The following DOCK5 variants were observed in gnomAD, a reference collection of about 807,000 sequenced individuals.
The protein encoded by DOCK5 is dedicator of cytokinesis protein 5.
In DOCK5, 142 loss-of-function variants were observed where a neutral mutation model predicts 251.8. The ratio of observed to expected loss-of-function variants is 0.56; its 90% CI spans 0.49 to 0.65. The LOEUF (loss-of-function observed/expected upper bound fraction) is 0.65, where lower values mean the gene tolerates loss of function less well. Among genes scored for constraint, DOCK5 ranks in the 30% least tolerant of loss-of-function variants. The probability of loss-of-function intolerance (pLI) is 0.00; values close to 1 mark genes in which losing one functional copy is unlikely to be tolerated. For synonymous variants in DOCK5, 842 were observed against 835.5 expected (o/e 1.01, Z -0.13); for missense variants, 2,111 against 2,312.3 (o/e 0.91, Z 1.79).
intron 1 of DOCK5, among the ~76,000 whole-genome samples, chr8:25,215,003 C>T (rs921153333): frequency 9.9e-5 from 15 of 152,186 alleles, no homozygotes; most frequent in Non-Finnish European, 2.2e-4. Context: ...CATATTTCTC[C>T]CATGCATCAG....
intron 8 of DOCK5, 174 bp downstream of exon 8, chr8:25,299,275 A>G (rs1392905472): frequency 4.4e-6 from 3 of 675,336 alleles, no homozygotes; most frequent in South Asian, 2.3e-5. Context: ...ATATGTCACT[A>G]CTAGAACAAT....
intron 25 of DOCK5, among the ~76,000 whole-genome samples, chr8:25,342,721 C>T (rs1489701943): frequency 2.1e-4 from 16 of 77,546 alleles, no homozygotes; most frequent in Admixed American, 1.0e-3. Context: ...TTTTTTGAGA[C>T]GGAGTCTCAT....
At chr8:25,392,164 C>T (rs1176839122) in intron 43 of DOCK5, among the ~76,000 whole-genome samples, 184 bp downstream of exon 43, 2 of 152,080 alleles carry the variant, frequency 1.3e-5, no homozygotes, top group South Asian at 2.1e-4. Flanking sequence ...ATTAGCCGGG[C>T]GTGGTGGCAC....
chr8:25,359,642 C>T (rs962214134), intron 28 of DOCK5, among the ~76,000 whole-genome samples: 1 of 152,138 alleles, frequency 6.6e-6, no homozygotes, highest in Admixed American at 6.5e-5. Context: ...ACTGCACATT[C>T]GAGGAATCTA....
intron 26 of DOCK5, among the ~76,000 whole-genome samples, chr8:25,350,324 A>G (rs1800444024): frequency 6.6e-6 from 1 of 151,468 alleles, no homozygotes; most frequent in Non-Finnish European, 1.5e-5. Flanking sequence ...GCAAGGACAG[A>G]TAGAGGCTAT....
intron 38 of DOCK5, 77 bp downstream of exon 38, chr8:25,377,501 C>T: frequency 1.3e-6 from 2 of 1,502,160 alleles, no homozygotes; most frequent in Non-Finnish European, 1.8e-6. Flanking sequence ...TGATGCTCAC[C>T]ACTTGGAGTT....
chr8:25,342,049 A>G (rs1037188870), intron 24 of DOCK5, among the ~76,000 whole-genome samples: 7 of 152,244 alleles, frequency 4.6e-5, no homozygotes, highest in African/African-American at 1.7e-4. Context: ...AAGATAGTGT[A>G]TAATGACATG....
At position 25,403,454 on chromosome 8, in the gene DOCK5, G is replaced by A. The variant is rs1256131603; in HGVS notation, c.4927-104G>A. The A allele has an allele frequency of 3.2e-6, 4 of 1,267,688 alleles. No homozygotes were observed. In the African/African-American group the frequency reaches 5.9e-5, roughly 19 times the overall value. The allele number at this position is 1,267,688 out of a possible 1,614,324, so 78.5% of individuals were successfully genotyped here. On this transcript the variant is annotated intron_variant, in intron 47 of 51. Transcript: ENST00000276440. ...GAATGGGGTGCCAGCCACATAACCA[G>A]TACAGATGGGTACTGGTTAGCCACA...
At chr8:25,299,640 A>T (rs187579589) in intron 8 of DOCK5, among the ~76,000 whole-genome samples, 2 of 152,230 alleles carry the variant, frequency 1.3e-5, no homozygotes, top group Admixed American at 6.5e-5. Context: ...GAGGGGAGAG[A>T]ATATGTTATG....
chr8:25,191,280 G>A (rs568133051), intron 1 of DOCK5, among the ~76,000 whole-genome samples: 144 of 152,190 alleles, frequency 9.5e-4, no homozygotes, highest in African/African-American at 3.4e-3. Flanking sequence ...TGCAAAGTGC[G>A]ATATGGCCAC....
intron 11 of DOCK5, among the ~76,000 whole-genome samples, chr8:25,307,680 C>A (rs1329666764): frequency 6.6e-6 from 1 of 152,076 alleles, no homozygotes; most frequent in Non-Finnish European, 1.5e-5. Context: ...CAGCTTTCCT[C>A]CAGCAACCAT....
intron 1 of DOCK5, among the ~76,000 whole-genome samples, chr8:25,205,324 G>A (rs1238988873): frequency 6.6e-6 from 1 of 152,036 alleles, no homozygotes. Context: ...ACAATGAGAG[G>A]GTGGCCACCT....
intron 27 of DOCK5, among the ~76,000 whole-genome samples, chr8:25,354,251 AT>A (rs1357365802): frequency 1.3e-5 from 2 of 152,168 alleles, no homozygotes; most frequent in East Asian, 3.8e-4. Flanking sequence ...TAAAACTGAT[AT>A]ACTTTTAGAG....
chr8:25,347,526 C>T (rs1173931615), intron 26 of DOCK5, among the ~76,000 whole-genome samples: 7 of 152,144 alleles, frequency 4.6e-5, no homozygotes, highest in Admixed American at 1.3e-4. Flanking sequence ...TGACCAATCA[C>T]GTCATAAACT....
chr8:25,193,720 G>A (rs759245223), intron 1 of DOCK5, among the ~76,000 whole-genome samples: 2 of 152,010 alleles, frequency 1.3e-5, no homozygotes, highest in Non-Finnish European at 2.9e-5. Flanking sequence ...AGCTGTGATC[G>A]TGCCACTGCA....
At chr8:25,373,023 C>T (rs575931557) in intron 35 of DOCK5, among the ~76,000 whole-genome samples, 7 of 142,178 alleles carry the variant, frequency 4.9e-5, no homozygotes, top group East Asian at 2.2e-4. Context: ...TTTTTTGAGA[C>T]GGAGTCTCGT....
intron 22 of DOCK5, among the ~76,000 whole-genome samples, chr8:25,338,561 C>A (rs1805871113): frequency 6.6e-6 from 1 of 152,154 alleles, no homozygotes; most frequent in African/African-American, 2.4e-5. Context: ...ACTGTCCCTC[C>A]TTTCCAGGTG....
intron 1 of DOCK5, among the ~76,000 whole-genome samples, chr8:25,188,256 C>A (rs952031336): frequency 2.0e-5 from 3 of 152,202 alleles, no homozygotes; most frequent in African/African-American, 7.2e-5. Flanking sequence ...ATGAGATATT[C>A]TGCTGAGAAA....
chr8:25,278,079 C>G (rs1804093082), intron 4 of DOCK5, among the ~76,000 whole-genome samples: 1 of 152,144 alleles, frequency 6.6e-6, no homozygotes, highest in South Asian at 2.1e-4. Flanking sequence ...AAACATGGGA[C>G]TATTCCAGAA....
Sources: gnomAD v4.1 joint callset for allele counts (sites outside exome capture counted in the v4.1 genomes callset) on GRCh38, gnomAD v4.1.1 for gene constraint, MANE v1.5 for transcripts, NCBI Gene and HGNC (gene_info 2026-07-23, HGNC 2026-07-21) for gene names.